PIANP: variants seen among roughly 807,000 people sequenced by gnomAD.
PIANP encodes PILR alpha-associated neural protein.
PIANP carries 14 observed loss-of-function variants against 28.9 expected under a neutral mutation model. The ratio of observed to expected loss-of-function variants is 0.49; its 90% CI spans 0.32 to 0.76. PIANP has a LOEUF of 0.76. Among genes scored for constraint, PIANP ranks in the 30% least tolerant of loss-of-function variants. The pLI, the probability that PIANP is intolerant of heterozygous loss-of-function variation, is 0.03. For missense variants in PIANP, 322 were observed against 371.8 expected (o/e 0.87, Z 1.10); for synonymous variants, 149 against 156.6 (o/e 0.95, Z 0.36).
rs984495838 is a variant in PIANP at position 6,693,965 on chromosome 12, G to A, written c.*1461C>T. 1 of 153,660 alleles carries A rather than the reference G, an allele frequency of 6.5e-6. No individual in the cohort carries two copies. Among genetic ancestry groups the A allele is most frequent in the African/African-American group, 2.4e-5 (1 of 41,438 alleles). The allele number at this position is 153,660 out of a possible 1,614,324, so 9.5% of individuals were successfully genotyped here. A position where few individuals can be genotyped will look rare whatever the true frequency, so the allele number is the denominator to read the frequency against. ...CAGTGAGAAGGAGGGAAGAACCTGA[G>A]GAGGGGGAAAGGGCAGGGAAGCAAA... On this transcript the variant is annotated 3_prime_UTR_variant, in exon 5 of 5. Transcript: ENST00000534837.
rs776888109 is a variant in PIANP, at chr12:6,697,569, G to A, written c.241C>T (p.Leu81=). 2.4e-5 allele frequency: 39 copies of A among 1,598,344 alleles called. No homozygotes were observed. In the South Asian group the frequency reaches 2.7e-4, roughly 11 times the overall value. Reference sequence around the variant, plus strand: ...GTGGCTGGGGGTGCAGTGCCAGGCAGGACTTGCCGACGTGATCTTGGGACC... The same window carrying A: ...GTGGCTGGGGGTGCAGTGCCAGGCAAGACTTGCCGACGTGATCTTGGGACC... ...PRVPRSRRQV[L]PGTAPPATPS... The change falls in exon 3 of 5, where the codon CTG becomes TTG. Residue 81 remains leucine (L), a synonymous_variant. Coordinates refer to ENST00000534837, the MANE Select transcript of PIANP (RefSeq NM_001244014.2). This position sits in a 1 kb window ranked among gnomAD's most constrained non-coding sequence, Gnocchi z 6.9.
In PIANP at chr12:6,696,501, T is replaced by C; in HGVS notation, c.547A>G (p.Thr183Ala). 2 of 1,602,392 alleles carry C rather than the reference T, an allele frequency of 1.2e-6. No homozygotes were observed. The highest frequency in any genetic ancestry group is 1.7e-6 in the Non-Finnish European group (2 of 1,174,858). Reference protein sequence around the residue: ...GEGVDPQLYVTITISIIIVLV... With the variant: ...GEGVDPQLYVAITISIIIVLV... ...ACAATGATGATGGAGATGGTAATTGTGACATAGAGCTGGGGGTCCACACCT... is the reference window on the plus strand; with the variant it reads ...ACAATGATGATGGAGATGGTAATTGCGACATAGAGCTGGGGGTCCACACCT... The change falls in exon 4 of 5, where the codon ACA becomes GCA. Residue 183 changes from threonine to alanine, a missense_variant. Transcript: ENST00000534837. This position sits in a 1 kb window ranked among gnomAD's most constrained non-coding sequence, Gnocchi z 4.0.
downstream of PIANP, among the ~76,000 whole-genome samples, chr12:6,692,784 C>G (rs1289924218): frequency 6.6e-6 from 1 of 152,172 alleles, no homozygotes; most frequent in East Asian, 1.9e-4. Context: ...CTGCCTCTTC[C>G]TGGCACTCAG....
chr12:6,694,794 C>A lies in PIANP; in HGVS notation c.*632G>T. 1 of 491,626 alleles carries A rather than the reference C, an allele frequency of 2.0e-6. No individual in the cohort carries two copies. The highest frequency in any genetic ancestry group is 3.6e-6 in the Non-Finnish European group (1 of 274,382). 30.5% of individuals were successfully genotyped at this position (491,626 alleles called of 1,614,324 possible). On this transcript the variant is annotated 3_prime_UTR_variant, in exon 5 of 5. Coordinates refer to ENST00000534837, the MANE Select transcript of PIANP (RefSeq NM_001244014.2). This position sits in a 1 kb window ranked among gnomAD's most constrained non-coding sequence, Gnocchi z 6.1. ...GGTGGAGGTGAGTGTGCAAGGCTTT[C>A]ATGTGAGTGCACAAGGGTGGGGACA...
rs1565456786 is a variant in PIANP, at chr12:6,697,373, T to G, written c.437A>C (p.Asp146Ala). 6.2e-7 allele frequency: 1 copy of G among 1,613,610 alleles called. No individual in the cohort carries two copies. Among genetic ancestry groups the G allele is most frequent in the Non-Finnish European group, 8.5e-7 (1 of 1,179,788 alleles). Residue 146 changes from aspartate to alanine, a missense_variant, in exon 3 of 5, where the codon GAC becomes GCC. By Grantham distance (126) the Asp-to-Ala change is moderately radical. Coordinates refer to ENST00000534837, the MANE Select transcript of PIANP (RefSeq NM_001244014.2). The surrounding 1 kb of genome is among the most constrained non-coding windows in gnomAD (Gnocchi z 6.9). ...CCCATCTCCATCACCTCGCATGGAG[T>G]CTGAGTTGGGGTGTGGGGTTGCGAG... ...HGLATPHPNS[D>A]SMRGDGDGLI... is the part of the protein sequence containing the mutation.
At position 6,696,589 on chromosome 12, in the gene PIANP, G is replaced by T; in HGVS notation, c.524-65C>A. The T allele has an allele frequency of 8.3e-7, 1 of 1,210,712 alleles. No homozygotes were observed. The allele number at this position is 1,210,712 out of a possible 1,614,324, so 75.0% of individuals were successfully genotyped here. On this transcript the variant is annotated intron_variant, in intron 3 of 4. Coordinates refer to ENST00000534837, the MANE Select transcript of PIANP (RefSeq NM_001244014.2). The surrounding 1 kb of genome is among the most constrained non-coding windows in gnomAD (Gnocchi z 4.0). Reference sequence around the variant, plus strand: ...TGGTAGGAGCCAAGAGGGGCTGGGGGCTGGGCTGTGGGCTCTGTCGGCTGG... The same window carrying T: ...TGGTAGGAGCCAAGAGGGGCTGGGGTCTGGGCTGTGGGCTCTGTCGGCTGG...
rs895363549 is a variant in PIANP, at chr12:6,695,765, A to C, written c.606-114T>G. ...AGTCACTCCCAACATCTTATAGCAG[A>C]GAAACTGGCCTTTAACAGTTCTCTC... On this transcript the variant is annotated intron_variant, in intron 4 of 4. Coordinates refer to ENST00000534837, the MANE Select transcript of PIANP (RefSeq NM_001244014.2). The surrounding 1 kb of genome is among the most constrained non-coding windows in gnomAD (Gnocchi z 4.2). 2 of 1,216,082 alleles carry C rather than the reference A, an allele frequency of 1.6e-6. No homozygotes were observed. The highest frequency in any genetic ancestry group is 3.1e-5 in the African/African-American group (2 of 63,584). 75.3% of individuals were successfully genotyped at this position (1,216,082 alleles called of 1,614,324 possible).
rs1207991345 is a variant in PIANP, at chr12:6,700,697, G to C, written c.-127C>G. The C allele has an allele frequency of 6.6e-6, 1 of 151,544 alleles. No individual in the cohort carries two copies. The highest frequency in any genetic ancestry group is 2.4e-5 in the African/African-American group (1 of 41,104). 9.4% of individuals were successfully genotyped at this position (151,544 alleles called of 1,614,324 possible). ...GGGGTCGCAGGAGCGGGCGGGGTGC[G>C]GGGCATGGTGGGGAGGTTTGGCCCG... On this transcript the variant is annotated 5_prime_UTR_variant, in exon 1 of 5. Coordinates refer to ENST00000534837, the MANE Select transcript of PIANP (RefSeq NM_001244014.2). This position sits in a 1 kb window ranked among gnomAD's most constrained non-coding sequence, Gnocchi z 5.5.
At chr12:6,692,525 A>G (rs1379093589), downstream of PIANP, among the ~76,000 whole-genome samples, 2 of 152,142 alleles carry the variant, frequency 1.3e-5, no homozygotes, top group African/African-American at 4.8e-5. Flanking sequence ...CACGGCCCAC[A>G]GTGTATACCA....
At chr12:6,699,166 C>T (rs977069766) in intron 1 of PIANP, among the ~76,000 whole-genome samples, 2 of 152,184 alleles carry the variant, frequency 1.3e-5, no homozygotes, top group African/African-American at 4.8e-5. Flanking sequence ...ATCCCTTGAA[C>T]CTGGGAGGCG....
chr12:6,695,578 G>T lies in PIANP; in HGVS notation c.679C>A (p.Pro227Thr). The T allele has an allele frequency of 6.3e-7, 1 of 1,591,190 alleles. No homozygotes were observed. Among genetic ancestry groups the T allele is most frequent in the Non-Finnish European group, 8.6e-7 (1 of 1,167,786 alleles). ...CCAGCCGGGGACAGGTCTGTCAGTG[G>T]CTGCTGGCTCTCCTCCTGCCTCAGG... is the stretch of plus-strand genomic sequence containing the variant. Reference protein sequence around the residue: ...GALRQEESQQPLTDLSPAGVT... With the variant: ...GALRQEESQQTLTDLSPAGVT... Residue 227 changes from proline (P) to threonine (T), a missense_variant, in exon 5 of 5, where the codon CCA becomes ACA. Transcript: ENST00000534837. This position sits in a 1 kb window ranked among gnomAD's most constrained non-coding sequence, Gnocchi z 4.2.
In PIANP at chr12:6,697,386, G is replaced by A. The variant is rs1386210912; in HGVS notation, c.424C>T (p.His142Tyr). 4.3e-6 allele frequency: 7 copies of A among 1,613,952 alleles called. No individual in the cohort carries two copies. The highest frequency in any genetic ancestry group is 5.9e-6 in the Non-Finnish European group (7 of 1,179,912). Residue 142 changes from histidine to tyrosine, a missense_variant, in exon 3 of 5, where the codon CAC (histidine) becomes TAC (tyrosine). His to Tyr is a moderately conservative substitution (Grantham distance 83). Transcript: ENST00000534837. This position sits in a 1 kb window ranked among gnomAD's most constrained non-coding sequence, Gnocchi z 6.9. ...FAAPHGLATP[H>Y]PNSDSMRGDG... ...CCTCGCATGGAGTCTGAGTTGGGGT[G>A]TGGGGTTGCGAGCCCATGAGGGGCT...
Position 6,696,411 on chromosome 12 carries a change from CA to C in PIANP, c.605+31del. 1 of 1,532,194 alleles carries C rather than the reference CA, an allele frequency of 6.5e-7. No individual in the cohort carries two copies. Among genetic ancestry groups the C allele is most frequent in the African/African-American group, 1.4e-5 (1 of 72,676 alleles). 94.9% of individuals were successfully genotyped at this position (1,532,194 alleles called of 1,614,324 possible). ...CCTCGACTGCCAAACATTCCGTCCC[CA>C]TCCACCAGCACCTTCCTCCTCCCAG... On this transcript the variant is annotated intron_variant, in intron 4 of 4. Transcript: ENST00000534837. The surrounding 1 kb of genome is among the most constrained non-coding windows in gnomAD (Gnocchi z 4.0).
At position 6,698,034 on chromosome 12, in the gene PIANP, G is replaced by T; in HGVS notation, c.17+11C>A. On this transcript the variant is annotated intron_variant, in intron 2 of 4. Coordinates refer to ENST00000534837, the MANE Select transcript of PIANP (RefSeq NM_001244014.2). ...GTGGTCTCCAGGCTCCCTCTGCTGG[G>T]CCAAACTTACCACATCCTGGACTCC... The T allele has an allele frequency of 6.4e-7, 1 of 1,559,614 alleles. No homozygotes were observed. The highest frequency in any genetic ancestry group is 8.7e-7 in the Non-Finnish European group (1 of 1,150,726).
chr12:6,698,998 CT>C (rs1223823578), intron 1 of PIANP, among the ~76,000 whole-genome samples: 1 of 152,218 alleles, frequency 6.6e-6, no homozygotes, highest in African/African-American at 2.4e-5. Flanking sequence ...AATCCTAGCA[CT>C]TTGGGAAGCC....
chr12:6,695,959 T>G lies in PIANP; in HGVS notation c.606-308A>C, dbSNP rs1258531622. Among the ~76,000 whole-genome samples the G allele has an allele frequency of 6.6e-6, 1 of 152,136 alleles. No homozygotes were observed. Among genetic ancestry groups the G allele is most frequent in the East Asian group, 1.9e-4 (1 of 5,194 alleles). On this transcript the variant is annotated intron_variant, in intron 4 of 4. Coordinates refer to ENST00000534837, the MANE Select transcript of PIANP (RefSeq NM_001244014.2). The surrounding 1 kb of genome is among the most constrained non-coding windows in gnomAD (Gnocchi z 4.2). The stretch of plus-strand genomic sequence containing the variant: ...CCCCTACATGCCCAGAAGAGTCATT[T>G]CTGTCTTCAGCAGACAACTGGCAGG...
intron 1 of PIANP, chr12:6,698,522 G>A: frequency 4.8e-6 from 1 of 207,620 alleles, no homozygotes; most frequent in Non-Finnish European, 9.8e-6. Context: ...GCCAGTGAGT[G>A]TGTGTACGTG....
intron 1 of PIANP, chr12:6,699,866 T>G (rs1959996398): frequency 6.7e-6 from 1 of 149,886 alleles, no homozygotes; most frequent in African/African-American, 2.5e-5. Flanking sequence ...GGGGGCATGG[T>G]GGGAAGAAGG....
At chr12:6,698,802 T>G (rs1232062013) in intron 1 of PIANP, among the ~76,000 whole-genome samples, 3 of 152,186 alleles carry the variant, frequency 2.0e-5, no homozygotes, top group African/African-American at 7.2e-5. Flanking sequence ...GTGGCTCTCC[T>G]GGGTAAAGAA....
Sources: allele counts gnomAD v4.1 joint callset (sites outside exome capture counted in the v4.1 genomes callset), GRCh38; gene constraint gnomAD v4.1.1; non-coding constraint Gnocchi (gnomAD v3.1); transcripts MANE v1.5; gene names NCBI Gene and HGNC (gene_info 2026-07-23, HGNC 2026-07-21).